Variants in CCDC66 observed in about 807,000 individuals in gnomAD.
The protein encoded by CCDC66 is coiled-coil domain containing 66, also known as coiled-coil domain-containing protein 66.
Under a neutral mutation model 128.3 loss-of-function variants are expected in CCDC66, and 133 were observed. The observed-to-expected ratio is 1.04, with a 90% CI of 0.90 to 1.20. CCDC66 has a LOEUF of 1.20. Ranked by LOEUF, CCDC66 falls within the 50% of genes most tolerant of loss-of-function variation. The pLI is 0.00. For missense variants in CCDC66, 1,126 were observed against 1,075.5 expected (o/e 1.05, Z -0.66); for synonymous variants, 387 against 357.0 (o/e 1.08, Z -0.95).
intron 15 of CCDC66, chr3:56,618,504 G>T: frequency 3.3e-6 from 1 of 302,366 alleles, no homozygotes; most frequent in Non-Finnish European, 6.1e-6. Context: ...TAGGCATTCT[G>T]CTTTGGGAGG....
intron 7 of CCDC66, among the ~76,000 whole-genome samples, chr3:56,578,807 T>G (rs925202837): frequency 2.6e-5 from 4 of 151,876 alleles, no homozygotes; most frequent in African/African-American, 9.7e-5. Context: ...CTGGATTCGG[T>G]TTGCCAGTAT....
At chr3:56,590,762 T>A (rs1407087230) in intron 7 of CCDC66, among the ~76,000 whole-genome samples, 2 of 150,756 alleles carry the variant, frequency 1.3e-5, no homozygotes, top group East Asian at 1.9e-4. Flanking sequence ...AAAAAAAAAA[T>A]AAAAACACAA....
chr3:56,597,701 G>A (rs946651270), intron 10 of CCDC66, among the ~76,000 whole-genome samples: 1 of 149,376 alleles, frequency 6.7e-6, no homozygotes, highest in Non-Finnish European at 1.5e-5. Context: ...TTTGTATGTT[G>A]ATTTTGTATT....
At chr3:56,596,441 G>T (rs282524) in intron 10 of CCDC66, among the ~76,000 whole-genome samples, 116,170 of 151,498 alleles carry the variant, frequency 0.77, 45,482 homozygotes, top group Non-Finnish European at 0.86. Context: ...GAGTTTCTTA[G>T]GCATTCTGGA....
chr3:56,616,935 G>A, intron 13 of CCDC66, 177 bp from the exon 14 acceptor site: 1 of 455,626 alleles, frequency 2.2e-6, no homozygotes, highest in Non-Finnish European at 3.8e-6. Context: ...AGTGGTGGCT[G>A]CCAGTGGTTG....
In CCDC66 at chr3:56,593,009, C is replaced by G; in HGVS notation, c.976C>G (p.Gln326Glu). 1 of 1,610,612 alleles carries G rather than the reference C, an allele frequency of 6.2e-7. No homozygotes were observed. Among genetic ancestry groups the G allele is most frequent in the Non-Finnish European group, 8.5e-7 (1 of 1,178,828 alleles). ...GGAGCACCCTTTCAGTGCTGTGAAA[C>G]AAGAACTGCAAAGAAAATGGATTGA... is the stretch of plus-strand genomic sequence containing the variant. ...LLEHPFSAVK[Q>E]ELQRKWIEEL... is the part of the protein sequence containing the mutation. Residue 326 changes from glutamine (Q) to glutamate (E), a missense_variant, in exon 8 of 18, where the codon CAA becomes GAA. Transcript: ENST00000394672.
At chr3:56,616,150 A>G (rs9833926) in intron 13 of CCDC66, 97 bp downstream of exon 13, 571,585 of 1,105,488 alleles carry the variant, frequency 0.52, 160,985 homozygotes, top group East Asian at 0.93. Context: ...AAAAATTAAC[A>G]AAACTTGAGG....
chr3:56,590,595 T>C (rs1411849128), intron 7 of CCDC66, among the ~76,000 whole-genome samples: 1 of 151,816 alleles, frequency 6.6e-6, no homozygotes, highest in Admixed American at 6.6e-5. Flanking sequence ...ATCCTGTCTC[T>C]ACAAAAAAAT....
chr3:56,603,874 T>C (rs763722932), intron 10 of CCDC66, among the ~76,000 whole-genome samples: 1 of 152,072 alleles, frequency 6.6e-6, no homozygotes, highest in African/African-American at 2.4e-5. Flanking sequence ...CTGTCTGATA[T>C]TGACAGTGGG....
At chr3:56,566,320 T>C (rs748122447) in intron 4 of CCDC66, among the ~76,000 whole-genome samples, 11 of 152,090 alleles carry the variant, frequency 7.2e-5, no homozygotes, top group Non-Finnish European at 1.6e-4. Context: ...AGACGAGGTT[T>C]TGTCATGTTG....
intron 7 of CCDC66, among the ~76,000 whole-genome samples, chr3:56,584,766 G>A (rs959707484): frequency 6.6e-6 from 1 of 151,910 alleles, no homozygotes; most frequent in Non-Finnish European, 1.5e-5. Context: ...GTTGTAGCTA[G>A]CCGAGATCAC....
At chr3:56,611,319 G>T (rs1164571442) in intron 10 of CCDC66, among the ~76,000 whole-genome samples, 1 of 151,882 alleles carries the variant, frequency 6.6e-6, no homozygotes, top group Non-Finnish European at 1.5e-5. Flanking sequence ...GGCTGCCTGT[G>T]CTGAGTCATG....
intron 4 of CCDC66, among the ~76,000 whole-genome samples, chr3:56,566,152 A>G (rs1386491999): frequency 1.8e-5 from 1 of 55,938 alleles, no homozygotes; most frequent in Non-Finnish European, 5.9e-5. Context: ...TTGAGACGAC[A>G]TCTGGCCCAG....
At chr3:56,613,251 G>A (rs971125280) in intron 10 of CCDC66, among the ~76,000 whole-genome samples, 2 of 152,156 alleles carry the variant, frequency 1.3e-5, no homozygotes, top group African/African-American at 2.4e-5. Flanking sequence ...AGAGTCAAGG[G>A]GCTGTTTGAT....
intron 10 of CCDC66, among the ~76,000 whole-genome samples, chr3:56,601,168 T>C (rs1235426657): frequency 1.3e-5 from 2 of 152,058 alleles, no homozygotes; most frequent in Non-Finnish European, 2.9e-5. Flanking sequence ...AAGGAAGGAG[T>C]CCAGTTTCAG....
chr3:56,563,566 T>G, intron 3 of CCDC66, 118 bp from the exon 4 acceptor site: 1 of 713,536 alleles, frequency 1.4e-6, no homozygotes, highest in Non-Finnish European at 2.3e-6. Context: ...TATGGTTATA[T>G]TACCTAAATA....
intron 10 of CCDC66, among the ~76,000 whole-genome samples, chr3:56,603,206 G>C (rs879404549): frequency 7.0e-6 from 1 of 141,922 alleles, no homozygotes; most frequent in Non-Finnish European, 1.6e-5. Context: ...CTAGTGGTCT[G>C]TCTATTTTGT....
chr3:56,564,276 C>A, intron 4 of CCDC66, 151 bp downstream of exon 4: 1 of 576,360 alleles, frequency 1.7e-6, no homozygotes, highest in South Asian at 3.1e-5. Flanking sequence ...AGGACTTTCT[C>A]TAATATGCAA....
At chr3:56,568,173 C>A (rs1425489559) in intron 6 of CCDC66, among the ~76,000 whole-genome samples, 1 of 152,190 alleles carries the variant, frequency 6.6e-6, no homozygotes, top group East Asian at 1.9e-4. Flanking sequence ...AGATGCAAAT[C>A]TTCCCCACAA....
Sources: allele counts gnomAD v4.1 joint callset (sites outside exome capture counted in the v4.1 genomes callset), GRCh38; gene constraint gnomAD v4.1.1; transcripts MANE v1.5; gene names NCBI Gene and HGNC (gene_info 2026-07-23, HGNC 2026-07-21).